The following DLG2 variants were observed in gnomAD, a reference collection of about 807,000 sequenced individuals.
DLG2 encodes disks large homolog 2.
DLG2 carries 45 observed loss-of-function variants against 132.5 expected under a neutral mutation model. That is an observed-to-expected ratio of 0.34 (90% CI 0.27 to 0.44). The LOEUF (loss-of-function observed/expected upper bound fraction) is 0.44, where lower values mean the gene tolerates loss of function less well. Ranked by LOEUF, DLG2 falls within the 20% of genes least tolerant of loss-of-function variation. The probability of loss-of-function intolerance (pLI) is 1.00; values close to 1 mark genes in which losing one functional copy is unlikely to be tolerated. For synonymous variants in DLG2, 424 were observed against 419.6 expected (o/e 1.01, Z -0.13); for missense variants, 1,045 against 1,196.9 (o/e 0.87, Z 1.87).
At chr11:83,472,837 C>G in intron 22 of DLG2, 60 bp from the exon 23 acceptor site, 1 of 1,419,240 alleles carries the variant, frequency 7.0e-7, no homozygotes. Context: ...CAGAGACAAG[C>G]CCTGCTCTGA....
At chr11:85,335,033 C>T (rs1344374400) in intron 3 of DLG2, among the ~76,000 whole-genome samples, 1 of 152,128 alleles carries the variant, frequency 6.6e-6, no homozygotes, top group Non-Finnish European at 1.5e-5. Flanking sequence ...AAGTCTCCCA[C>T]TACTTTTCTG....
At chr11:84,482,305 C>T (rs2154493664) in intron 7 of DLG2, among the ~76,000 whole-genome samples, 1 of 152,212 alleles carries the variant, frequency 6.6e-6, no homozygotes, top group South Asian at 2.1e-4. Flanking sequence ...ATAATATAGC[C>T]TCATGGAAGT....
At chr11:84,777,203 T>C (rs1157841323) in intron 6 of DLG2, among the ~76,000 whole-genome samples, 1 of 146,718 alleles carries the variant, frequency 6.8e-6, no homozygotes, top group Non-Finnish European at 1.5e-5. Context: ...GTTCCATCCA[T>C]GTTGCTGCAA....
intron 15 of DLG2, among the ~76,000 whole-genome samples, chr11:83,895,357 T>C (rs1333730926): frequency 2.0e-5 from 3 of 151,970 alleles, no homozygotes; most frequent in Non-Finnish European, 4.4e-5. Context: ...AGTGGGTTTC[T>C]CCACGTTGGT....
At chr11:85,498,187 C>T (rs1230466534) in intron 3 of DLG2, among the ~76,000 whole-genome samples, 2 of 152,152 alleles carry the variant, frequency 1.3e-5, no homozygotes, top group Non-Finnish European at 2.9e-5. Flanking sequence ...GGAGACTCAT[C>T]TGATGTGCAA....
At chr11:83,652,768 A>G (rs2070987881) in intron 18 of DLG2, among the ~76,000 whole-genome samples, 3 of 152,214 alleles carry the variant, frequency 2.0e-5, no homozygotes, top group South Asian at 2.1e-4. Flanking sequence ...ATAGTGTCAT[A>G]TAAGTGTGGT....
intron 8 of DLG2, among the ~76,000 whole-genome samples, chr11:84,209,314 A>G (rs1469193136): frequency 2.0e-5 from 3 of 152,244 alleles, no homozygotes; most frequent in East Asian, 3.8e-4. Context: ...GGTCGCAAGA[A>G]ATAAGAAAAG....
At chr11:84,439,915 T>C (rs936768412) in intron 7 of DLG2, among the ~76,000 whole-genome samples, 3 of 152,212 alleles carry the variant, frequency 2.0e-5, no homozygotes, top group Admixed American at 6.5e-5. Context: ...AAACCACTGA[T>C]ATCATAGAGA....
chr11:84,221,061 C>T (rs1479668521), intron 8 of DLG2, among the ~76,000 whole-genome samples: 1 of 151,544 alleles, frequency 6.6e-6, no homozygotes, highest in Non-Finnish European at 1.5e-5. Flanking sequence ...GCCTCAACCT[C>T]TCAAAGTGTT....
chr11:83,625,957 C>T (rs1254073098), intron 19 of DLG2, among the ~76,000 whole-genome samples: 1 of 152,100 alleles, frequency 6.6e-6, no homozygotes, highest in Admixed American at 6.6e-5. Context: ...TATTTTCTCT[C>T]ACATTTGTGT....
At chr11:85,430,811 T>C (rs2091125592) in intron 3 of DLG2, among the ~76,000 whole-genome samples, 1 of 150,396 alleles carries the variant, frequency 6.6e-6, no homozygotes, top group Non-Finnish European at 1.5e-5. Flanking sequence ...CTGAAAATCA[T>C]TGTCGTGAGT....
At chr11:84,767,806 C>T (rs182713595) in intron 6 of DLG2, among the ~76,000 whole-genome samples, 75 of 152,082 alleles carry the variant, frequency 4.9e-4, no homozygotes, top group African/African-American at 1.7e-3. Flanking sequence ...AGCTTATATT[C>T]CTAGATAACA....
intron 3 of DLG2, among the ~76,000 whole-genome samples, chr11:85,287,863 A>G (rs961490248): frequency 3.3e-5 from 5 of 152,184 alleles, no homozygotes; most frequent in Non-Finnish European, 7.4e-5. Flanking sequence ...CGTTGGGTGA[A>G]TAAAGCAAGT....
chr11:83,590,110 C>A (rs1195948829), intron 19 of DLG2, among the ~76,000 whole-genome samples: 1 of 136,738 alleles, frequency 7.3e-6, no homozygotes, highest in Non-Finnish European at 1.6e-5. Context: ...GGATACCCAG[C>A]AATTGAACTC....
intron 7 of DLG2, among the ~76,000 whole-genome samples, chr11:84,290,353 T>G (rs1379337662): frequency 6.6e-6 from 1 of 152,098 alleles, no homozygotes; most frequent in Admixed American, 6.6e-5. Context: ...AAGTGAGAAA[T>G]GTGAAGTCTT....
chr11:84,520,033 G>A (rs570782793), intron 7 of DLG2, among the ~76,000 whole-genome samples: 25 of 152,262 alleles, frequency 1.6e-4, no homozygotes, highest in African/African-American at 6.0e-4. Context: ...TCTCTTTCCT[G>A]AATCATCTCT....
At chr11:84,840,836 G>C (rs1374056716) in intron 6 of DLG2, among the ~76,000 whole-genome samples, 1 of 152,080 alleles carries the variant, frequency 6.6e-6, no homozygotes, top group South Asian at 2.1e-4. Context: ...ACCAGAGCCT[G>C]TCCTGGGGTA....
At chr11:85,565,083 T>C (rs576538175) in intron 3 of DLG2, among the ~76,000 whole-genome samples, 1 of 152,226 alleles carries the variant, frequency 6.6e-6, no homozygotes, top group South Asian at 2.1e-4. Flanking sequence ...TATCCTGTGA[T>C]GTTTCTAAAC....
intron 3 of DLG2, among the ~76,000 whole-genome samples, chr11:85,526,601 GA>G (rs2074769319): frequency 6.6e-6 from 1 of 152,172 alleles, no homozygotes; most frequent in South Asian, 2.1e-4. Flanking sequence ...AAGAGCATTA[GA>G]ACTGGTAACT....
Sources: allele counts gnomAD v4.1 joint callset (sites outside exome capture counted in the v4.1 genomes callset), GRCh38; gene constraint gnomAD v4.1.1; transcripts MANE v1.5; gene names NCBI Gene and HGNC (gene_info 2026-07-23, HGNC 2026-07-21).